The following LARGE1 variants were observed in gnomAD, a reference collection of about 807,000 sequenced individuals.
LARGE1 encodes the protein LARGE xylosyl- and glucuronyltransferase 1.
In LARGE1, 43 loss-of-function variants were observed where a neutral mutation model predicts 87.6. The observed-to-expected ratio is 0.49, with a 90% CI of 0.38 to 0.63. The LOEUF (loss-of-function observed/expected upper bound fraction) is 0.63, where lower values mean the gene tolerates loss of function less well. LARGE1 is among the 30% of genes least tolerant of loss of function. LARGE1 has a pLI of 0.00. For missense variants in LARGE1, 802 were observed against 1,000.2 expected, an observed-to-expected ratio of 0.80 and a Z score of 2.67; for synonymous variants, 434 against 394.6, an observed-to-expected ratio of 1.10 and a Z score of -1.18.
intron 5 of LARGE1, among the ~76,000 whole-genome samples, chr22:33,584,430 C>T (rs148377737): frequency 7.2e-4 from 109 of 152,268 alleles, no homozygotes; most frequent in African/African-American, 2.4e-3. Flanking sequence ...GACTATCCAG[C>T]TGGTAGCTGA....
chr22:33,684,975 T>TG (rs763797263), intron 2 of LARGE1, among the ~76,000 whole-genome samples: 1 of 152,122 alleles, frequency 6.6e-6, no homozygotes, highest in Non-Finnish European at 1.5e-5. Context: ...TTCAGGTGTA[T>TG]GGGGGGTGGA....
intron 5 of LARGE1, among the ~76,000 whole-genome samples, chr22:33,573,021 G>A (rs1383594759): frequency 1.3e-5 from 2 of 152,162 alleles, no homozygotes; most frequent in African/African-American, 4.8e-5. Flanking sequence ...GTTTTCATCA[G>A]TAAATTGGGG....
intron 11 of LARGE1, among the ~76,000 whole-genome samples, chr22:33,234,750 AG>A (rs1357959328): frequency 1.3e-5 from 2 of 152,104 alleles, no homozygotes; most frequent in Non-Finnish European, 2.9e-5. Flanking sequence ...CATGTTGGCC[AG>A]GCTGGTCTTG....
intron 1 of LARGE1, among the ~76,000 whole-genome samples, chr22:33,816,639 G>A (rs1014506273): frequency 6.6e-6 from 1 of 151,910 alleles, no homozygotes; most frequent in African/African-American, 2.4e-5. Flanking sequence ...CGGGAGGGCG[G>A]GTGGACATAC....
the LARGE1 span, among the ~76,000 whole-genome samples, chr22:33,085,186 G>T: frequency 6.6e-6 from 1 of 152,212 alleles, no homozygotes; most frequent in Non-Finnish European, 1.5e-5. Flanking sequence ...TGAGGCAGGA[G>T]AATCACTTGA....
At chr22:33,421,775 C>T (rs1253207784) in intron 7 of LARGE1, among the ~76,000 whole-genome samples, 1 of 152,170 alleles carries the variant, frequency 6.6e-6, no homozygotes, top group Non-Finnish European at 1.5e-5. Flanking sequence ...AACCAGGGTG[C>T]CAGGACTACA....
At chr22:33,706,435 T>A (rs1289861602) in intron 2 of LARGE1, among the ~76,000 whole-genome samples, 1 of 152,124 alleles carries the variant, frequency 6.6e-6, no homozygotes, top group Non-Finnish European at 1.5e-5. Flanking sequence ...AGCAAGAGTA[T>A]CCTGGTATAA....
chr22:33,300,352 T>C (rs947612913), intron 12 of LARGE1, among the ~76,000 whole-genome samples: 1 of 152,230 alleles, frequency 6.6e-6, no homozygotes, highest in African/African-American at 2.4e-5. Flanking sequence ...CAGTAACTTG[T>C]AACTGTCATC....
chr22:33,652,639 C>T (rs1311909201), intron 2 of LARGE1, among the ~76,000 whole-genome samples: 1 of 152,172 alleles, frequency 6.6e-6, no homozygotes, highest in Non-Finnish European at 1.5e-5. Flanking sequence ...TTTTTCCATA[C>T]TTCAAGTTTT....
chr22:33,813,431 C>CCA (rs1363550487), intron 1 of LARGE1, among the ~76,000 whole-genome samples: 1 of 151,902 alleles, frequency 6.6e-6, no homozygotes, highest in Non-Finnish European at 1.5e-5. Context: ...CAGCAATGTC[C>CCA]CACACACACA....
At chr22:33,776,813 G>A (rs982253366) in intron 1 of LARGE1, among the ~76,000 whole-genome samples, 1 of 152,152 alleles carries the variant, frequency 6.6e-6, no homozygotes, top group Non-Finnish European at 1.5e-5. Flanking sequence ...TATCTCTGGT[G>A]CCAAATGATA....
intron 6 of LARGE1, among the ~76,000 whole-genome samples, chr22:33,540,075 A>C (rs2077150657): frequency 6.6e-6 from 1 of 152,184 alleles, no homozygotes; most frequent in Non-Finnish European, 1.5e-5. Flanking sequence ...CCTGCAAAAA[A>C]TAGGAGCTTG....
intron 6 of LARGE1, among the ~76,000 whole-genome samples, chr22:33,530,893 C>T (rs1350378135): frequency 6.6e-6 from 1 of 152,204 alleles, no homozygotes; most frequent in Non-Finnish European, 1.5e-5. Context: ...ATCTTATTGA[C>T]TGGCCATTAA....
intron 1 of LARGE1, among the ~76,000 whole-genome samples, chr22:33,797,587 G>A (rs2086026522): frequency 1.3e-5 from 2 of 152,244 alleles, no homozygotes; most frequent in African/African-American, 4.8e-5. Flanking sequence ...ACAGAGCCTA[G>A]GAAACCGCAG....
At chr22:33,758,545 G>A (rs1216899730) in intron 2 of LARGE1, among the ~76,000 whole-genome samples, 1 of 152,180 alleles carries the variant, frequency 6.6e-6, no homozygotes, top group African/African-American at 2.4e-5. Flanking sequence ...GGATCATGTT[G>A]ATAGATACAG....
At chr22:33,591,893 G>C (rs905921786) in intron 5 of LARGE1, among the ~76,000 whole-genome samples, 2 of 148,078 alleles carry the variant, frequency 1.4e-5, no homozygotes, top group African/African-American at 2.5e-5. Context: ...AGGCGTGATA[G>C]CATGTGCCTG....
At chr22:33,536,001 C>T (rs528878558) in intron 6 of LARGE1, among the ~76,000 whole-genome samples, 1 of 152,140 alleles carries the variant, frequency 6.6e-6, no homozygotes, top group Non-Finnish European at 1.5e-5. Context: ...TTATAATTCG[C>T]ATGAAACAAA....
chr22:33,696,512 C>T lies in LARGE1; in HGVS notation c.107-45844G>A, dbSNP rs1603186650. ...TCCTGACCTCAATCAATCCGCCCGCCTTGGCCTCCCAAAGTGCTAGGATTA... is the reference window on the plus strand; with the variant it reads ...TCCTGACCTCAATCAATCCGCCCGCTTTGGCCTCCCAAAGTGCTAGGATTA... On this transcript the variant is annotated intron_variant, in intron 2 of 14. Transcript: ENST00000397394. Among the ~76,000 whole-genome samples, 11 of 152,222 alleles carry T rather than the reference C, an allele frequency of 7.2e-5. No homozygotes were observed. The South Asian group carries it at 2.3e-3, about 32-fold the overall frequency.
the LARGE1 span, among the ~76,000 whole-genome samples, chr22:33,142,755 G>T: frequency 1.4e-3 from 210 of 152,260 alleles, no homozygotes; most frequent in Middle Eastern, 0.01. Flanking sequence ...TGAGAGGATT[G>T]CCAAGCTCAT....
Sources: gnomAD v4.1 joint callset for allele counts (sites outside exome capture counted in the v4.1 genomes callset) on GRCh38, gnomAD v4.1.1 for gene constraint, MANE v1.5 for transcripts, NCBI Gene and HGNC (gene_info 2026-07-23, HGNC 2026-07-21) for gene names.